LAD1: variants seen among roughly 807,000 people sequenced by gnomAD.
The protein encoded by LAD1 is ladinin-1.
LAD1 carries 53 observed loss-of-function variants against 54.2 expected under a neutral mutation model. The ratio of observed to expected loss-of-function variants is 0.98; its 90% CI spans 0.78 to 1.23. LAD1 has a LOEUF of 1.23. Ranked by LOEUF, LAD1 falls within the 50% of genes most tolerant of loss-of-function variation. The pLI, the probability that LAD1 is intolerant of heterozygous loss-of-function variation, is 0.00. For missense variants in LAD1, 637 were observed against 653.3 expected, an observed-to-expected ratio of 0.98 and a Z score of 0.27; for synonymous variants, 231 against 257.7, an observed-to-expected ratio of 0.90 and a Z score of 0.99.
chr1:201,388,661 G>A (rs1198529891), intron 2 of LAD1, among the ~76,000 whole-genome samples: 1 of 144,106 alleles, frequency 6.9e-6, no homozygotes, highest in Non-Finnish European at 1.5e-5. Flanking sequence ...CCAGCCTAGC[G>A]ACACAGCGAG....
At chr1:201,391,071 C>A (rs762024373) in intron 1 of LAD1, 1 of 456,092 alleles carries the variant, frequency 2.2e-6, no homozygotes, top group Non-Finnish European at 4.4e-6. Flanking sequence ...CAAACAAAAC[C>A]ATTTACCCAT....
intron 5 of LAD1, 117 bp from the exon 6 acceptor site, chr1:201,383,506 G>T (rs1366541614): frequency 1.0e-6 from 1 of 965,862 alleles, no homozygotes; most frequent in African/African-American, 1.6e-5. Flanking sequence ...AAGAGAATGT[G>T]GCCCTCCATC....
chr1:201,397,595 A>G (rs1465307051), intron 1 of LAD1, among the ~76,000 whole-genome samples: 1 of 151,956 alleles, frequency 6.6e-6, no homozygotes, highest in African/African-American at 2.4e-5. Flanking sequence ...GCTTTCAGAC[A>G]CAAAATCACA....
At chr1:201,392,669 C>T (rs1662216575) in intron 1 of LAD1, among the ~76,000 whole-genome samples, 1 of 152,272 alleles carries the variant, frequency 6.6e-6, no homozygotes, top group South Asian at 2.1e-4. Flanking sequence ...AGCAGAGGGC[C>T]TTGGAGACCA....
chr1:201,391,875 C>T (rs1463302547), intron 1 of LAD1, among the ~76,000 whole-genome samples: 1 of 152,192 alleles, frequency 6.6e-6, no homozygotes, highest in Admixed American at 6.5e-5. Flanking sequence ...TGGGGGAGCC[C>T]TTCTCTGTGG....
At position 201,386,390 on chromosome 1, in the gene LAD1, T is replaced by G. The variant is rs1662086853; in HGVS notation, c.971A>C (p.Gln324Pro). The G allele has an allele frequency of 2.0e-6, 3 of 1,520,348 alleles. No individual in the cohort carries two copies. In the South Asian group the frequency reaches 4.1e-5, roughly 21 times the overall value. 94.2% of individuals were successfully genotyped at this position (1,520,348 alleles called of 1,614,324 possible). ...PGKNLPSLAKQGASDPPTVAS... is the reference protein window; with the variant it reads ...PGKNLPSLAKPGASDPPTVAS... ...CACAGTCGGAGGGTCTGAAGCCCCC[T>G]GCTTTGCCAAAGAGGGCAGGTTCTT... is the stretch of plus-strand genomic sequence containing the variant. Residue 324 changes from glutamine to proline, a missense_variant, in exon 3 of 10, where the codon CAG (glutamine) becomes CCG (proline). Transcript: ENST00000391967.
chr1:201,394,827 C>G (rs1221262894), intron 1 of LAD1, among the ~76,000 whole-genome samples: 1 of 152,164 alleles, frequency 6.6e-6, no homozygotes, highest in East Asian at 1.9e-4. Context: ...CCCACAAAGC[C>G]CAGAGTGCCT....
At position 201,382,394 on chromosome 1, in the gene LAD1, G is replaced by A. The variant is rs965901948; in HGVS notation, c.1474-68C>T. Reference sequence around the variant, plus strand: ...GCTCCAAAGGGCTCGGGATACCCCAGGCCCAGCTCCCAGCCCAGGATGTCC... The same window carrying A: ...GCTCCAAAGGGCTCGGGATACCCCAAGCCCAGCTCCCAGCCCAGGATGTCC... On this transcript the variant is annotated intron_variant, in intron 8 of 9. Coordinates refer to ENST00000391967, the MANE Select transcript of LAD1 (RefSeq NM_005558.4). 6 of 1,243,220 alleles carry A rather than the reference G, an allele frequency of 4.8e-6. No individual in the cohort carries two copies. The Admixed American group carries it at 1.0e-4, about 21-fold the overall frequency. 77.0% of individuals were successfully genotyped at this position (1,243,220 alleles called of 1,614,324 possible). A position where few individuals can be genotyped will look rare whatever the true frequency, so the allele number is the denominator to read the frequency against.
intron 1 of LAD1, chr1:201,391,027 T>TTAGCTTTTGGGAAG: frequency 2.2e-6 from 1 of 448,524 alleles, no homozygotes; most frequent in Non-Finnish European, 4.5e-6. Flanking sequence ...CAATTCCCCA[T>TTAGCTTTTGGGAAG]GGAATTTCTT....
chr1:201,386,217 A>G, intron 3 of LAD1, 118 bp downstream of exon 3: 3 of 1,022,912 alleles, frequency 2.9e-6, no homozygotes, highest in Non-Finnish European at 4.0e-6. Context: ...TTCCAAGGCC[A>G]GCCTGCAGGT....
rs1442230372 is a variant in LAD1, at chr1:201,380,874, C to A, written c.*1014G>T. On this transcript the variant is annotated 3_prime_UTR_variant, in exon 10 of 10. Coordinates refer to ENST00000391967, the MANE Select transcript of LAD1 (RefSeq NM_005558.4). ...TAAATTTTTGAAAAGTTGTAAACCA[C>A]AGCTTTAAGGGGTTAACAGGGCACC... The A allele has an allele frequency of 6.6e-6, 1 of 152,182 alleles. No homozygotes were observed. Among genetic ancestry groups the A allele is most frequent in the African/African-American group, 2.4e-5 (1 of 41,432 alleles). 9.4% of individuals were successfully genotyped at this position (152,182 alleles called of 1,614,324 possible).
At chr1:201,395,790 A>T (rs1662277621) in intron 1 of LAD1, among the ~76,000 whole-genome samples, 1 of 152,114 alleles carries the variant, frequency 6.6e-6, no homozygotes, top group Non-Finnish European at 1.5e-5. Context: ...GGCTCAAAAG[A>T]GTTAACAACC....
intron 1 of LAD1, among the ~76,000 whole-genome samples, chr1:201,397,503 C>T (rs1406416782): frequency 6.6e-6 from 1 of 152,140 alleles, no homozygotes; most frequent in Non-Finnish European, 1.5e-5. Context: ...AAGCTTAGGC[C>T]AGACCTTGCT....
intron 1 of LAD1, among the ~76,000 whole-genome samples, chr1:201,390,288 G>C (rs2102358628): frequency 6.7e-6 from 1 of 150,162 alleles, no homozygotes; most frequent in East Asian, 2.0e-4. Context: ...GCTCACACCT[G>C]TAATCCCAGC....
chr1:201,386,733 C>G lies in LAD1; in HGVS notation c.628G>C (p.Glu210Gln). 8.1e-6 allele frequency: 13 copies of G among 1,614,244 alleles called. No homozygotes were observed. Among genetic ancestry groups the G allele is most frequent in the Non-Finnish European group, 1.1e-5 (13 of 1,180,044 alleles). The change falls in exon 3 of 10, where the codon GAG becomes CAG. Residue 210 changes from glutamate to glutamine, a missense_variant. Coordinates refer to ENST00000391967, the MANE Select transcript of LAD1 (RefSeq NM_005558.4). Reference sequence around the variant, plus strand: ...ATCTTCTCTGATAGAGATGTCTTCTCTGAGGCCAGCACCTTCTCAGAGATG... The same window carrying G: ...ATCTTCTCTGATAGAGATGTCTTCTGTGAGGCCAGCACCTTCTCAGAGATG... ...TSISEKVLAS[E>Q]KTSLSEKIAV...
chr1:201,382,786 G>T (rs1661989492), intron 7 of LAD1, 47 bp from the exon 8 acceptor site: 1 of 1,436,338 alleles, frequency 7.0e-7, no homozygotes, highest in Non-Finnish European at 9.6e-7. Flanking sequence ...CTTGGCAGCA[G>T]CGAGGCATGT....
intron 4 of LAD1, 138 bp from the exon 5 acceptor site, chr1:201,384,973 C>T (rs577500848): frequency 1.6e-5 from 12 of 754,014 alleles, no homozygotes; most frequent in East Asian, 2.6e-5. Flanking sequence ...GTCAACCCCA[C>T]CAAAGAAATA....
At chr1:201,396,796 T>C (rs1662298830) in intron 1 of LAD1, among the ~76,000 whole-genome samples, 1 of 151,782 alleles carries the variant, frequency 6.6e-6, no homozygotes, top group African/African-American at 2.4e-5. Context: ...CTGTGGGGGG[T>C]AACTCAGGTC....
Position 201,384,779 on chromosome 1 carries a change from C to T in LAD1, c.1175+13G>A, listed in dbSNP as rs538952266. Reference sequence around the variant, plus strand: ...GGCCAAATAGAAAGAACCAGAGCCTCCAGGCCCCCCACCTGCGAGTTAGGG... The same window carrying T: ...GGCCAAATAGAAAGAACCAGAGCCTTCAGGCCCCCCACCTGCGAGTTAGGG... On this transcript the variant is annotated intron_variant, in intron 5 of 9. Transcript: ENST00000391967. The T allele has an allele frequency of 1.2e-6, 2 of 1,613,882 alleles. No individual in the cohort carries two copies. The highest frequency in any genetic ancestry group is 1.3e-5 in the African/African-American group (1 of 75,054).
Sources: allele counts gnomAD v4.1 joint callset (sites outside exome capture counted in the v4.1 genomes callset), GRCh38; gene constraint gnomAD v4.1.1; transcripts MANE v1.5; gene names NCBI Gene and HGNC (gene_info 2026-07-23, HGNC 2026-07-21).